The following PHEX variants were observed in gnomAD, a reference collection of about 807,000 sequenced individuals.
PHEX encodes the protein phosphate-regulating neutral endopeptidase PHEX.
Under a neutral mutation model 68.0 loss-of-function variants are expected in PHEX, and 16 were observed. The ratio of observed to expected loss-of-function variants is 0.24; its 90% CI spans 0.16 to 0.36. The LOEUF (loss-of-function observed/expected upper bound fraction) is 0.36, where lower values mean the gene tolerates loss of function less well. Ranked by LOEUF, PHEX falls within the 10% of genes least tolerant of loss-of-function variation. The pLI is 1.00. For missense variants in PHEX, 480 were observed against 575.5 expected, an observed-to-expected ratio of 0.83 and a Z score of 1.70; for synonymous variants, 208 against 205.1, an observed-to-expected ratio of 1.01 and a Z score of -0.12.
chrX:22,235,651 C>T (rs778842944), intron 20 of PHEX, among the ~76,000 whole-genome samples: 6 of 111,562 alleles, frequency 5.4e-5, no homozygotes, highest in Non-Finnish European at 9.4e-5. Context: ...ACTCCTAATG[C>T]CATCACATTG....
intron 7 of PHEX, among the ~76,000 whole-genome samples, chrX:22,095,163 C>T (rs1385975455): frequency 9.0e-6 from 1 of 111,168 alleles, no homozygotes; most frequent in African/African-American, 3.3e-5. Context: ...TGGTGATGTT[C>T]GTGTATAGCT....
chrX:22,148,465 C>A (rs1470720635), intron 12 of PHEX, among the ~76,000 whole-genome samples: 1 of 111,839 alleles, frequency 8.9e-6, no homozygotes, highest in Non-Finnish European at 1.9e-5. Context: ...CATCACTTCA[C>A]AAACTTATTT....
intron 17 of PHEX, 135 bp downstream of exon 17, chrX:22,219,238 T>G: frequency 2.0e-6 from 1 of 505,287 alleles, no homozygotes; most frequent in Non-Finnish European, 3.4e-6. Context: ...GATTGCTGAT[T>G]GAAAACTTTT....
At chrX:22,103,219 A>G (rs1013549832) in intron 9 of PHEX, among the ~76,000 whole-genome samples, 1 of 112,016 alleles carries the variant, frequency 8.9e-6, no homozygotes, top group Non-Finnish European at 1.9e-5. Flanking sequence ...AGCTAGTTAG[A>G]TATTGCTAGC....
In PHEX at chrX:22,232,686, G is replaced by GTCTT. The variant is rs1388451918; in HGVS notation, c.2070+5081_2070+5084dup. 3.4e-5 allele frequency among the ~76,000 whole-genome samples: 3 copies of GTCTT among 89,082 alleles called. No homozygotes were observed. The Admixed American group carries it at 4.3e-4, about 13-fold the overall frequency. The allele number at this position is 89,082 out of a possible 115,157, so 77.4% of individuals were successfully genotyped here. A position where few individuals can be genotyped will look rare whatever the true frequency, so the allele number is the denominator to read the frequency against. On this transcript the variant is annotated intron_variant, in intron 20 of 21. Transcript: ENST00000379374. ...CTTTATTTATTTTGAGCCTATGTGT[G>GTCTT]TCTTTCTTTGCATGTGAGATGGGTT...
chrX:22,077,597 C>T lies in PHEX; in HGVS notation c.558C>T (p.Ser186=). 8.3e-7 allele frequency: 1 copy of T among 1,210,758 alleles called. No homozygotes were observed. The highest frequency in any genetic ancestry group is 1.1e-6 in the Non-Finnish European group (1 of 894,548). Residue 186 remains serine, a synonymous_variant, in exon 5 of 22, where the codon AGC becomes AGT. Transcript: ENST00000379374. Reference sequence around the variant, plus strand: ...GGGTTTGGTCAGAGAGAAAGTTCAGCCTTCTGCAGACACTTGCAACGTTTC... The same window carrying T: ...GGGTTTGGTCAGAGAGAAAGTTCAGTCTTCTGCAGACACTTGCAACGTTTC... ...PEGVWSERKF[S]LLQTLATFRG...
At chrX:22,239,196 A>C (rs1302836038) in intron 20 of PHEX, among the ~76,000 whole-genome samples, 1 of 111,760 alleles carries the variant, frequency 8.9e-6, no homozygotes, top group Non-Finnish European at 1.9e-5. Context: ...CAACATCAAC[A>C]AAAAGGATGT....
intron 3 of PHEX, among the ~76,000 whole-genome samples, chrX:22,058,843 C>T (rs1928234862): frequency 8.9e-6 from 1 of 112,227 alleles, no homozygotes; most frequent in Non-Finnish European, 1.9e-5. Context: ...CTCACTCTGT[C>T]GCCGAGGCTG....
At chrX:22,177,494 G>GATTCTAT (rs1373543072) in intron 13 of PHEX, among the ~76,000 whole-genome samples, 1 of 111,375 alleles carries the variant, frequency 9.0e-6, no homozygotes, top group Non-Finnish European at 1.9e-5. Context: ...TTTGTAGATG[G>GATTCTAT]AGTGCCTATA....
chrX:22,076,758 G>C (rs776983292), intron 4 of PHEX, among the ~76,000 whole-genome samples: 1 of 112,273 alleles, frequency 8.9e-6, no homozygotes, highest in Admixed American at 9.5e-5. Context: ...AAACTCCACT[G>C]TATCTGGTAG....
At chrX:22,190,401 T>C (rs1569422853) in intron 14 of PHEX, 43 bp from the exon 15 acceptor site, 2 of 942,620 alleles carry the variant, frequency 2.1e-6, no homozygotes, top group South Asian at 1.9e-5. Context: ...CTCCTGCCTG[T>C]ATAATGATGA....
Position 22,226,453 on chromosome X carries a change from A to G in PHEX, c.1910A>G (p.Lys637Arg). Reference protein sequence around the residue: ...WKKAGLNVKGKRTLGENIADN... With the variant: ...WKKAGLNVKGRRTLGENIADN... ...TTTTCTTTCTGTTAGGTCAAGGGGA[A>G]GAGGACCCTGGGAGAAAATATTGCT... The change falls in exon 19 of 22, where the codon AAG (lysine) becomes AGG (arginine). Residue 637 changes from lysine (K) to arginine (R), a missense_variant. Lys to Arg is a conservative substitution (Grantham distance 26). Transcript: ENST00000379374. 1.7e-6 allele frequency: 2 copies of G among 1,203,396 alleles called. No homozygotes were observed. Among genetic ancestry groups the G allele is most frequent in the Non-Finnish European group, 1.1e-6 (1 of 888,819 alleles).
intron 5 of PHEX, among the ~76,000 whole-genome samples, chrX:22,084,476 A>G (rs1013556326): frequency 9.3e-5 from 10 of 107,649 alleles, no homozygotes; most frequent in African/African-American, 3.4e-4. Context: ...GTCCTTGTGC[A>G]GTTTTGGTAT....
chrX:22,068,171 C>T (rs910880139), intron 3 of PHEX, among the ~76,000 whole-genome samples: 1 of 111,201 alleles, frequency 9.0e-6, no homozygotes, highest in Non-Finnish European at 1.9e-5. Flanking sequence ...AATGTTCACT[C>T]AAGTTTAGAA....
intron 3 of PHEX, among the ~76,000 whole-genome samples, chrX:22,055,584 C>A (rs900711451): frequency 3.7e-5 from 4 of 109,051 alleles, no homozygotes; most frequent in Non-Finnish European, 7.6e-5. Context: ...TTTTTTGAGG[C>A]GGAGTCTCGC....
chrX:22,067,313 T>C (rs1928652157), intron 3 of PHEX, among the ~76,000 whole-genome samples: 1 of 110,719 alleles, frequency 9.0e-6, no homozygotes, highest in African/African-American at 3.3e-5. Flanking sequence ...TCTGGCATAG[T>C]GCTAATATTT....
chrX:22,174,973 G>A (rs769796283), intron 13 of PHEX, among the ~76,000 whole-genome samples: 3 of 111,543 alleles, frequency 2.7e-5, no homozygotes, highest in Non-Finnish European at 3.8e-5. Flanking sequence ...TGACTTGGAC[G>A]GTGTAGCTTT....
At chrX:22,247,236 T>A (rs1440175579) in intron 21 of PHEX, among the ~76,000 whole-genome samples, 1 of 112,591 alleles carries the variant, frequency 8.9e-6, no homozygotes, top group Non-Finnish European at 1.9e-5. Context: ...TTTTGCAGAT[T>A]GAATGAATTC....
intron 4 of PHEX, 97 bp downstream of exon 4, chrX:22,076,571 C>T: frequency 1.7e-6 from 1 of 583,533 alleles, no homozygotes; most frequent in Non-Finnish European, 2.9e-6. Flanking sequence ...AAGAGAACTA[C>T]TAAGAATTCT....
Sources: gnomAD v4.1 joint callset for allele counts (sites outside exome capture counted in the v4.1 genomes callset) on GRCh38, gnomAD v4.1.1 for gene constraint, MANE v1.5 for transcripts, NCBI Gene and HGNC (gene_info 2026-07-23, HGNC 2026-07-21) for gene names.